The following SEMA3A variants were observed in gnomAD, a reference collection of about 807,000 sequenced individuals.
SEMA3A encodes semaphorin-3A.
Under a neutral mutation model 97.9 loss-of-function variants are expected in SEMA3A, and 29 were observed. The observed-to-expected ratio is 0.30, with a 90% CI of 0.22 to 0.40. The LOEUF (loss-of-function observed/expected upper bound fraction) is 0.40. Ranked by LOEUF, SEMA3A falls within the 10% of genes least tolerant of loss-of-function variation. SEMA3A has a pLI of 1.00. For synonymous variants in SEMA3A, 321 were observed against 323.7 expected (o/e 0.99, Z 0.09); for missense variants, 763 against 951.3 (o/e 0.80, Z 2.60).
intron 4 of SEMA3A, among the ~76,000 whole-genome samples, chr7:84,095,130 A>C (rs1248522435): frequency 6.8e-6 from 1 of 147,892 alleles, no homozygotes; most frequent in Non-Finnish European, 1.5e-5. Context: ...ATATTGCATT[A>C]TATATATTGC....
At chr7:84,151,504 A>C (rs907928549) in intron 1 of SEMA3A, among the ~76,000 whole-genome samples, 6 of 151,972 alleles carry the variant, frequency 3.9e-5, no homozygotes, top group African/African-American at 1.4e-4. Context: ...TGGAAGATGA[A>C]ATGAATGAAA....
chr7:84,207,395 A>G (rs1798517666), intron 3 of SEMA3A, among the ~76,000 whole-genome samples: 1 of 152,216 alleles, frequency 6.6e-6, no homozygotes, highest in Non-Finnish European at 1.5e-5. Context: ...TGCCCATTCT[A>G]TCAAATCCTG....
chr7:84,308,205 A>C (rs573404150), intron 2 of SEMA3A, among the ~76,000 whole-genome samples: 7 of 152,126 alleles, frequency 4.6e-5, no homozygotes, highest in Non-Finnish European at 8.8e-5. Flanking sequence ...ATATTTAAAA[A>C]ATAGAATATA....
intron 4 of SEMA3A, among the ~76,000 whole-genome samples, chr7:84,072,582 G>T (rs576486314): frequency 6.6e-6 from 1 of 152,076 alleles, no homozygotes; most frequent in African/African-American, 2.4e-5. Flanking sequence ...GCTAATTTAT[G>T]TAAGTCTTTG....
At chr7:84,229,948 GACAAATTA>G (rs1394644535) in intron 3 of SEMA3A, among the ~76,000 whole-genome samples, 1 of 151,766 alleles carries the variant, frequency 6.6e-6, no homozygotes, top group Admixed American at 6.6e-5. Flanking sequence ...CTTCTCAGAC[GACAAATTA>G]ACTGGGACTG....
In SEMA3A at chr7:84,062,347, C is replaced by T. The variant is rs111344860; in HGVS notation, c.454-1789G>A. Among the ~76,000 whole-genome samples the T allele has an allele frequency of 4.7e-3, 713 of 152,158 alleles. 4 individuals are homozygous for T. Among genetic ancestry groups the T allele is most frequent in the African/African-American group, 0.016 (651 of 41,550 alleles). ...TGAAAAGACATATTCTATTCAAAAA[C>T]TTAGAAGAATCATTAAAGAAATACC... On this transcript the variant is annotated intron_variant, in intron 4 of 16. Transcript: ENST00000265362.
intron 1 of SEMA3A, among the ~76,000 whole-genome samples, chr7:84,159,504 A>T (rs1796959255): frequency 6.6e-6 from 1 of 152,184 alleles, no homozygotes; most frequent in African/African-American, 2.4e-5. Flanking sequence ...TCAAATAGCT[A>T]AACAAGTTAG....
At chr7:84,367,105 A>G (rs933189944) in intron 2 of SEMA3A, among the ~76,000 whole-genome samples, 3 of 151,374 alleles carry the variant, frequency 2.0e-5, no homozygotes, top group African/African-American at 7.2e-5. Flanking sequence ...AGACAGTTCA[A>G]TTAATGTCCT....
intron 3 of SEMA3A, among the ~76,000 whole-genome samples, chr7:84,260,394 G>T (rs372511978): frequency 6.6e-6 from 1 of 152,174 alleles, no homozygotes; most frequent in African/African-American, 2.4e-5. Context: ...ACAGGCGAGA[G>T]CCCCACCCGC....
chr7:84,463,851 T>C (rs1028934629), intron 1 of SEMA3A, among the ~76,000 whole-genome samples: 4 of 152,160 alleles, frequency 2.6e-5, no homozygotes, highest in African/African-American at 9.7e-5. Context: ...TCCTAACATA[T>C]ATTACAATAT....
chr7:84,220,519 G>C (rs1167396234), intron 3 of SEMA3A, among the ~76,000 whole-genome samples: 2 of 152,138 alleles, frequency 1.3e-5, no homozygotes, highest in Non-Finnish European at 2.9e-5. Flanking sequence ...ATCAGTGGGA[G>C]TTATAGCCTT....
chr7:84,266,333 A>G lies in SEMA3A; in HGVS notation c.-83+40874T>C, dbSNP rs201351809. On this transcript the variant is annotated intron_variant, in intron 3 of 3. Transcript: ENST00000424555. Reference sequence around the variant, plus strand: ...GGTCTCAAAAAAAAAAAAAAAAAAAAAAAAGAAAAATGTTTCTAATTGTAT... The same window carrying G: ...GGTCTCAAAAAAAAAAAAAAAAAAAGAAAAGAAAAATGTTTCTAATTGTAT... Among the ~76,000 whole-genome samples, 29 of 151,534 alleles carry G rather than the reference A, an allele frequency of 1.9e-4. No individual in the cohort carries two copies. The East Asian group carries it at 4.3e-3, about 22-fold the overall frequency.
intron 4 of SEMA3A, among the ~76,000 whole-genome samples, chr7:84,070,979 G>T (rs1308131997): frequency 6.6e-6 from 1 of 152,072 alleles, no homozygotes; most frequent in Non-Finnish European, 1.5e-5. Context: ...AATAAAGAGT[G>T]TAATAAGATC....
At chr7:84,464,270 T>C (rs1237185791) in intron 1 of SEMA3A, among the ~76,000 whole-genome samples, 1 of 152,200 alleles carries the variant, frequency 6.6e-6, no homozygotes, top group Non-Finnish European at 1.5e-5. Context: ...TGAGGTTGCA[T>C]CACAAGCGAC....
At chr7:84,185,654 G>A (rs546810999) in intron 1 of SEMA3A, among the ~76,000 whole-genome samples, 18 of 135,958 alleles carry the variant, frequency 1.3e-4, no homozygotes, top group Non-Finnish European at 2.4e-4. Flanking sequence ...TCACGCCATT[G>A]CACTCCAGCC....
intron 1 of SEMA3A, among the ~76,000 whole-genome samples, chr7:84,432,431 T>C (rs1805004628): frequency 6.6e-6 from 1 of 152,168 alleles, no homozygotes; most frequent in African/African-American, 2.4e-5. Flanking sequence ...CATGTGCATG[T>C]TTGGTACATT....
At chr7:84,034,241 C>T (rs1791864973) in intron 6 of SEMA3A, among the ~76,000 whole-genome samples, 1 of 152,164 alleles carries the variant, frequency 6.6e-6, no homozygotes, top group Non-Finnish European at 1.5e-5. Flanking sequence ...GCCTCGGCCT[C>T]CCGAATTACT....
intron 2 of SEMA3A, among the ~76,000 whole-genome samples, chr7:84,365,053 T>TA (rs200438508): frequency 4.0e-5 from 6 of 149,970 alleles, no homozygotes; most frequent in East Asian, 3.9e-4. Flanking sequence ...ACAAAGGGAA[T>TA]AAAAAAAAAT....
chr7:84,293,987 A>T (rs1344435186), intron 3 of SEMA3A, among the ~76,000 whole-genome samples: 1 of 152,074 alleles, frequency 6.6e-6, no homozygotes, highest in Non-Finnish European at 1.5e-5. Context: ...TTCACAAAAC[A>T]TGTCAAAAGA....
Sources: gnomAD v4.1 joint callset for allele counts (sites outside exome capture counted in the v4.1 genomes callset) on GRCh38, gnomAD v4.1.1 for gene constraint, MANE v1.5 for transcripts, NCBI Gene and HGNC (gene_info 2026-07-23, HGNC 2026-07-21) for gene names.